The following RFX7 variants were observed in gnomAD, a reference collection of about 807,000 sequenced individuals.
The protein encoded by RFX7 is DNA-binding protein RFX7.
Under a neutral mutation model 111.8 loss-of-function variants are expected in RFX7, and 26 were observed. The ratio of observed to expected loss-of-function variants is 0.23; its 90% CI spans 0.17 to 0.32. The LOEUF (loss-of-function observed/expected upper bound fraction) is 0.32, where lower values mean the gene tolerates loss of function less well. Among genes scored for constraint, RFX7 ranks in the 10% least tolerant of loss-of-function variants. The pLI is 1.00. For missense variants in RFX7, 1,573 were observed against 1,772.9 expected, an observed-to-expected ratio of 0.89 and a Z score of 2.02; for synonymous variants, 624 against 624.4, an observed-to-expected ratio of 1.00 and a Z score of 0.01.
intron 5 of RFX7, among the ~76,000 whole-genome samples, chr15:56,113,798 T>C (rs1030774958): frequency 1.3e-5 from 2 of 152,174 alleles, no homozygotes; most frequent in Non-Finnish European, 2.9e-5. Context: ...AAGACTTACC[T>C]AGACCCATAA....
chr15:56,134,710 C>T (rs1215137490), intron 5 of RFX7, among the ~76,000 whole-genome samples: 9 of 149,994 alleles, frequency 6.0e-5, no homozygotes, highest in South Asian at 2.1e-4. Context: ...TGCTGGTGCA[C>T]TGCACCCACT....
chr15:56,164,778 TA>T (rs1391762852), intron 3 of RFX7, among the ~76,000 whole-genome samples: 1 of 152,236 alleles, frequency 6.6e-6, no homozygotes, highest in Non-Finnish European at 1.5e-5. Context: ...AGTTGGTTCT[TA>T]AGGTTTATCT....
intron 5 of RFX7, among the ~76,000 whole-genome samples, chr15:56,110,358 C>T (rs1478811790): frequency 2.9e-5 from 3 of 102,580 alleles, no homozygotes; most frequent in Non-Finnish European, 4.1e-5. Context: ...CCGCCTCGTC[C>T]GGGAGGGAGG....
chr15:56,162,213 A>G (rs1312915031), intron 3 of RFX7, among the ~76,000 whole-genome samples: 1 of 152,106 alleles, frequency 6.6e-6, no homozygotes, highest in African/African-American at 2.4e-5. Context: ...ATTCTTCAAG[A>G]TTACAAAGTT....
At position 56,142,834 on chromosome 15, in the gene RFX7, G is replaced by A. The variant is rs1180264053; in HGVS notation, c.345C>T (p.Thr115=). The A allele has an allele frequency of 6.2e-7, 1 of 1,613,408 alleles. No homozygotes were observed. The highest frequency in any genetic ancestry group is 1.1e-5 in the South Asian group (1 of 91,014). ...GTGAAGTCTCCGGATGTTCCTCTAG[G>A]GTATTCCGAATCCAGGAAAAGGCAT... The part of the protein sequence containing the change: ...QMHAFSWIRN[T]LEEHPETSLP... Residue 115 remains threonine (T), a synonymous_variant, in exon 5 of 10, where the codon ACC becomes ACT. Coordinates refer to ENST00000559447, the MANE Select transcript of RFX7 (RefSeq NM_022841.7).
chr15:56,108,119 C>T (rs2041856388), intron 5 of RFX7, among the ~76,000 whole-genome samples: 1 of 152,156 alleles, frequency 6.6e-6, no homozygotes, highest in African/African-American at 2.4e-5. Flanking sequence ...CCAAATTCTA[C>T]CAGAGGTACA....
chr15:56,135,409 T>G (rs1188374668), intron 5 of RFX7, among the ~76,000 whole-genome samples: 3 of 152,200 alleles, frequency 2.0e-5, no homozygotes, highest in Non-Finnish European at 4.4e-5. Flanking sequence ...TGCATAAATG[T>G]CTTCTTTTGA....
chr15:56,095,322 G>C lies in RFX7; in HGVS notation c.2406C>G (p.Ile802Met). Residue 802 changes from isoleucine (I) to methionine (M), a missense_variant, in exon 10 of 10, where the codon ATC (isoleucine) becomes ATG (methionine). Transcript: ENST00000559447. ...AGTGCTCAGGAATTGTCATAACACT[G>C]ATATCTTGCTGTTGTTCACAACTGG... Reference protein sequence around the residue: ...ISASCEQQQDISVMTIPEHSD... With the variant: ...ISASCEQQQDMSVMTIPEHSD... The C allele has an allele frequency of 6.2e-7, 1 of 1,613,868 alleles. No individual in the cohort carries two copies. The highest frequency in any genetic ancestry group is 1.1e-5 in the South Asian group (1 of 91,066).
At chr15:56,148,549 A>G (rs1199518858) in intron 3 of RFX7, among the ~76,000 whole-genome samples, 1 of 152,196 alleles carries the variant, frequency 6.6e-6, no homozygotes, top group Non-Finnish European at 1.5e-5. Flanking sequence ...GAATCCTGCC[A>G]CGCAACCCCC....
chr15:56,141,856 C>T lies in RFX7; in HGVS notation c.401+922G>A, dbSNP rs568549923. On this transcript the variant is annotated intron_variant, in intron 5 of 9. Coordinates refer to ENST00000559447, the MANE Select transcript of RFX7 (RefSeq NM_022841.7). ...AAGAGAAAATAAATCTAGAGTCCTT[C>T]AGTTTAACTTTGTTCTCTTGATCAT... 4.6e-5 allele frequency among the ~76,000 whole-genome samples: 7 copies of T among 151,602 alleles called. No homozygotes were observed. The South Asian group carries it at 1.3e-3, about 27-fold the overall frequency.
intron 5 of RFX7, among the ~76,000 whole-genome samples, chr15:56,114,354 T>TGATC (rs368934838): frequency 2.3e-4 from 34 of 144,982 alleles, no homozygotes; most frequent in Middle Eastern, 3.6e-3. Flanking sequence ...GAGGTTGCAG[T>TGATC]GATCAGAGAT....
At position 56,094,173 on chromosome 15, in the gene RFX7, T is replaced by C; in HGVS notation, c.3555A>G (p.Val1185=). 1 of 1,613,950 alleles carries C rather than the reference T, an allele frequency of 6.2e-7. No homozygotes were observed. Among genetic ancestry groups the C allele is most frequent in the Non-Finnish European group, 8.5e-7 (1 of 1,179,880 alleles). Residue 1185 remains valine (V), a synonymous_variant, in exon 10 of 10, where the codon GTA becomes GTG. Coordinates refer to ENST00000559447, the MANE Select transcript of RFX7 (RefSeq NM_022841.7). ...RNLSGSTLYP[V]SNIPRSNVTP... is the part of the protein sequence containing the mutation. Reference sequence around the variant, plus strand: ...TCACATTAGATCGTGGGATATTAGATACTGGATAGAGGGTGCTTCCACTAA... The same window carrying C: ...TCACATTAGATCGTGGGATATTAGACACTGGATAGAGGGTGCTTCCACTAA...
chr15:56,143,178 T>C (rs988331351), intron 4 of RFX7, among the ~76,000 whole-genome samples: 17 of 152,120 alleles, frequency 1.1e-4, no homozygotes, highest in Non-Finnish European at 2.1e-4. Flanking sequence ...TTTAAGTGGG[T>C]ATCTGCTCAT....
chr15:56,209,287 G>C (rs1271530105), intron 2 of RFX7, among the ~76,000 whole-genome samples: 5 of 145,830 alleles, frequency 3.4e-5, no homozygotes, highest in Non-Finnish European at 6.0e-5. Context: ...AGAGTGTCAA[G>C]AGAAAAAAAA....
chr15:56,141,656 A>T (rs867217021), intron 5 of RFX7, among the ~76,000 whole-genome samples: 2 of 83,188 alleles, frequency 2.4e-5, no homozygotes, highest in African/African-American at 6.5e-5. Context: ...GCTTACTCTA[A>T]ATATATATAT....
At chr15:56,224,176 A>C (rs1183684999) in intron 2 of RFX7, among the ~76,000 whole-genome samples, 2 of 152,104 alleles carry the variant, frequency 1.3e-5, no homozygotes, top group African/African-American at 4.8e-5. Context: ...AAATTTTGTA[A>C]AATGAACGGT....
intron 2 of RFX7, among the ~76,000 whole-genome samples, chr15:56,207,952 G>T (rs1451061728): frequency 6.6e-6 from 1 of 152,146 alleles, no homozygotes; most frequent in Non-Finnish European, 1.5e-5. Context: ...ATGAGAATCT[G>T]TACCAAAGGA....
intron 6 of RFX7, among the ~76,000 whole-genome samples, chr15:56,102,815 A>C (rs1175378342): frequency 6.6e-6 from 1 of 152,198 alleles, no homozygotes; most frequent in Non-Finnish European, 1.5e-5. Context: ...TAGAAAAGCA[A>C]GTTTCTTCCC....
At chr15:56,147,713 A>T (rs956136151) in intron 3 of RFX7, among the ~76,000 whole-genome samples, 4 of 152,026 alleles carry the variant, frequency 2.6e-5, no homozygotes, top group Admixed American at 2.0e-4. Flanking sequence ...AGCTGGGACT[A>T]CTGGCACCCG....
Sources: allele counts gnomAD v4.1 joint callset (sites outside exome capture counted in the v4.1 genomes callset), GRCh38; gene constraint gnomAD v4.1.1; transcripts MANE v1.5; gene names NCBI Gene and HGNC (gene_info 2026-07-23, HGNC 2026-07-21).